GPHN: variants seen among roughly 807,000 people sequenced by gnomAD.
GPHN encodes gephyrin.
In GPHN, 17 loss-of-function variants were observed where a neutral mutation model predicts 95.5. The ratio of observed to expected loss-of-function variants is 0.18; its 90% CI spans 0.12 to 0.27. The LOEUF is 0.27. GPHN is among the 10% of genes least tolerant of loss of function. The pLI is 1.00. For synonymous variants in GPHN, 320 were observed against 322.5 expected, an observed-to-expected ratio of 0.99 and a Z score of 0.08; for missense variants, 660 against 978.1, an observed-to-expected ratio of 0.67 and a Z score of 4.34.
intron 1 of GPHN, among the ~76,000 whole-genome samples, chr14:66,593,576 C>T (rs2061849222): frequency 6.6e-6 from 1 of 152,146 alleles, no homozygotes; most frequent in South Asian, 2.1e-4. Flanking sequence ...TCACCTCCCA[C>T]CAGGTCTCTT....
chr14:66,845,539 A>G (rs997159717), intron 4 of GPHN, among the ~76,000 whole-genome samples: 1 of 152,198 alleles, frequency 6.6e-6, no homozygotes, highest in Non-Finnish European at 1.5e-5. Flanking sequence ...ATGATGGCAC[A>G]TCTTTGAAAT....
intron 2 of GPHN, among the ~76,000 whole-genome samples, chr14:66,729,529 G>A (rs965108473): frequency 1.3e-5 from 2 of 152,114 alleles, no homozygotes; most frequent in African/African-American, 4.8e-5. Context: ...CTGAGGTAGA[G>A]GGAATTTACT....
chr14:66,580,843 C>A (rs957051605), intron 1 of GPHN, among the ~76,000 whole-genome samples: 2 of 151,550 alleles, frequency 1.3e-5, no homozygotes, highest in South Asian at 2.1e-4. Context: ...TACCATGATA[C>A]CGAAGTCAAA....
chr14:66,769,834 G>A (rs112154643), intron 2 of GPHN, among the ~76,000 whole-genome samples: 1 of 152,010 alleles, frequency 6.6e-6, no homozygotes, highest in Non-Finnish European at 1.5e-5. Context: ...ATATTTCTTT[G>A]GGTATATACC....
In GPHN at chr14:66,868,099, A is replaced by G. The variant is rs553370121; in HGVS notation, c.295-11840A>G. ...TGCTCTAACTACATCTCACTTTGAT[A>G]ACTTAACAAAGTTATTATTAATAGT... On this transcript the variant is annotated intron_variant, in intron 4 of 22. Transcript: ENST00000478722. 1.2e-4 allele frequency among the ~76,000 whole-genome samples: 18 copies of G among 152,262 alleles called. No homozygotes were observed. In the South Asian group the frequency reaches 3.7e-3, roughly 32 times the overall value.
At chr14:66,526,490 G>C (rs905122682) in intron 1 of GPHN, among the ~76,000 whole-genome samples, 7 of 152,236 alleles carry the variant, frequency 4.6e-5, no homozygotes, top group African/African-American at 1.7e-4. Context: ...TTGCCTGATT[G>C]CCCTGGCCAG....
the GPHN span, among the ~76,000 whole-genome samples, chr14:67,217,319 T>G: frequency 6.6e-6 from 1 of 152,188 alleles, no homozygotes; most frequent in African/African-American, 2.4e-5. Flanking sequence ...GTAAGTTTCA[T>G]GTAGGCAGCA....
At chr14:67,328,286 A>C in the GPHN span, among the ~76,000 whole-genome samples, 3 of 152,200 alleles carry the variant, frequency 2.0e-5, no homozygotes, top group South Asian at 4.1e-4. Context: ...TCTTCTTTTG[A>C]GAAGTGTCTG....
chr14:67,629,233 G>C, the GPHN span, among the ~76,000 whole-genome samples: 78 of 152,168 alleles, frequency 5.1e-4, no homozygotes, highest in Non-Finnish European at 8.4e-4. Context: ...CTATTCAGGA[G>C]GCTGAGGCAG....
chr14:67,135,031 C>T (rs1479739951), intron 17 of GPHN, among the ~76,000 whole-genome samples: 1 of 131,832 alleles, frequency 7.6e-6, no homozygotes, highest in Non-Finnish European at 1.5e-5. Context: ...ACAATCTCAG[C>T]TTACTGCAAC....
the GPHN span, among the ~76,000 whole-genome samples, chr14:67,288,458 G>A: frequency 2.5e-4 from 38 of 152,244 alleles, no homozygotes; most frequent in African/African-American, 7.9e-4. Flanking sequence ...TTGGGTGGAC[G>A]AGGCAGGAAG....
intron 4 of GPHN, among the ~76,000 whole-genome samples, chr14:66,879,171 C>T (rs2063810782): frequency 6.6e-6 from 1 of 151,946 alleles, no homozygotes; most frequent in Non-Finnish European, 1.5e-5. Context: ...AACACATGGA[C>T]ACACAGAGGG....
At chr14:67,359,735 G>A in the GPHN span, 3 of 1,612,820 alleles carry the variant, frequency 1.9e-6, no homozygotes, top group Admixed American at 3.3e-5. Flanking sequence ...CCCCGGCCGG[G>A]CAACCGAGGC....
chr14:66,566,179 T>A (rs1410372264), intron 1 of GPHN, among the ~76,000 whole-genome samples: 1 of 152,136 alleles, frequency 6.6e-6, no homozygotes, highest in East Asian at 1.9e-4. Context: ...TTTAGTTAAT[T>A]CATCTTATTG....
intron 2 of GPHN, among the ~76,000 whole-genome samples, chr14:66,768,310 T>C (rs1364416626): frequency 6.6e-6 from 1 of 151,940 alleles, no homozygotes; most frequent in African/African-American, 2.4e-5. Context: ...AAAAAAAGTA[T>C]ATGGCATGAG....
chr14:67,733,825 C>T, the GPHN span: 1 of 1,612,986 alleles, frequency 6.2e-7, no homozygotes, highest in South Asian at 1.1e-5. Flanking sequence ...CAGCTGTGAG[C>T]TTCTAGGAAT....
At chr14:67,131,179 A>G (rs1042414762) in intron 17 of GPHN, among the ~76,000 whole-genome samples, 2 of 151,986 alleles carry the variant, frequency 1.3e-5, no homozygotes, top group Non-Finnish European at 2.9e-5. Flanking sequence ...TCATTTGAGC[A>G]CATATATTTT....
chr14:67,710,944 G>A, the GPHN span, among the ~76,000 whole-genome samples: 1 of 151,860 alleles, frequency 6.6e-6, no homozygotes, highest in Admixed American at 6.6e-5. Flanking sequence ...TTAAAATTAT[G>A]GAACCACCAT....
chr14:67,428,236 C>T, the GPHN span, among the ~76,000 whole-genome samples: 1 of 151,846 alleles, frequency 6.6e-6, no homozygotes, highest in Non-Finnish European at 1.5e-5. Flanking sequence ...CCTTTTTAGC[C>T]TCCACCTATG....
Sources: allele counts gnomAD v4.1 joint callset (sites outside exome capture counted in the v4.1 genomes callset), GRCh38; gene constraint gnomAD v4.1.1; transcripts MANE v1.5; gene names NCBI Gene and HGNC (gene_info 2026-07-23, HGNC 2026-07-21).